CCNY: variants seen among roughly 807,000 people sequenced by gnomAD.
CCNY encodes cyclin-Y.
In CCNY, 19 loss-of-function variants were observed where a neutral mutation model predicts 42.8. The ratio of observed to expected loss-of-function variants is 0.44; its 90% CI spans 0.31 to 0.65. The LOEUF (loss-of-function observed/expected upper bound fraction) is 0.65, where lower values mean the gene tolerates loss of function less well. CCNY is among the 30% of genes least tolerant of loss of function. The pLI, the probability that CCNY is intolerant of heterozygous loss-of-function variation, is 0.07. For missense variants in CCNY, 370 were observed against 437.3 expected (o/e 0.85, Z 1.37); for synonymous variants, 165 against 162.7 (o/e 1.01, Z -0.11).
At chr10:35,482,008 C>G (rs1839680189) in intron 1 of CCNY, among the ~76,000 whole-genome samples, 1 of 152,194 alleles carries the variant, frequency 6.6e-6, no homozygotes, top group Admixed American at 6.5e-5. Flanking sequence ...CAAGAAGGAT[C>G]AGATAATTGA....
chr10:35,355,678 CA>C (rs60257114), intron 1 of CCNY, among the ~76,000 whole-genome samples: 2,463 of 57,114 alleles, frequency 0.043, 6 homozygotes, highest in African/African-American at 0.098. Context: ...ATACTGTCTC[CA>C]AAAAAAAAAA....
intron 1 of CCNY, among the ~76,000 whole-genome samples, chr10:35,344,417 C>T (rs113652472): frequency 5.3e-5 from 8 of 151,660 alleles, no homozygotes; most frequent in Admixed American, 1.3e-4. Context: ...TTGGGCTGGG[C>T]GCCGTGGCTC....
At chr10:35,427,590 T>C (rs1348576726) in intron 1 of CCNY, among the ~76,000 whole-genome samples, 1 of 152,234 alleles carries the variant, frequency 6.6e-6, no homozygotes, top group Non-Finnish European at 1.5e-5. Flanking sequence ...AATATGTGTG[T>C]ATTTCAATGT....
chr10:35,417,475 A>G (rs180767980), intron 1 of CCNY, among the ~76,000 whole-genome samples: 2 of 152,354 alleles, frequency 1.3e-5, no homozygotes, highest in Admixed American at 6.5e-5. Context: ...ATATGAAATG[A>G]TGTATGAGGG....
intron 7 of CCNY, among the ~76,000 whole-genome samples, chr10:35,544,294 A>G (rs1040708794): frequency 1.3e-5 from 2 of 152,140 alleles, no homozygotes; most frequent in African/African-American, 2.4e-5. Flanking sequence ...CTTCAATACC[A>G]TATTTTTATG....
intron 1 of CCNY, among the ~76,000 whole-genome samples, chr10:35,360,352 C>T (rs562402841): frequency 7.1e-6 from 1 of 140,280 alleles, no homozygotes; most frequent in Admixed American, 7.7e-5. Flanking sequence ...AGTGGTGTGA[C>T]TATGGCTCAC....
At chr10:35,322,267 T>C (rs1006188623) in intron 3 of CCNY, among the ~76,000 whole-genome samples, 2 of 151,826 alleles carry the variant, frequency 1.3e-5, no homozygotes, top group African/African-American at 4.8e-5. Context: ...TGAGGCAGAA[T>C]TGCTGGAACC....
chr10:35,268,412 A>G (rs2095727801), intron 3 of CCNY, among the ~76,000 whole-genome samples: 1 of 152,150 alleles, frequency 6.6e-6, no homozygotes, highest in African/African-American at 2.4e-5. Context: ...CGTGTCCCAC[A>G]TGGCTGTGGT....
At chr10:35,314,270 C>T (rs900622444) in intron 3 of CCNY, among the ~76,000 whole-genome samples, 5 of 152,172 alleles carry the variant, frequency 3.3e-5, no homozygotes, top group African/African-American at 1.2e-4. Flanking sequence ...ACTCACAGTT[C>T]CATGTGGCTG....
chr10:35,443,730 A>C (rs1838725029), intron 1 of CCNY, among the ~76,000 whole-genome samples: 1 of 152,230 alleles, frequency 6.6e-6, no homozygotes, highest in African/African-American at 2.4e-5. Context: ...CTTTTAGGCT[A>C]GATATTTCCC....
At chr10:35,472,119 T>C (rs2135346953) in intron 1 of CCNY, among the ~76,000 whole-genome samples, 1 of 152,340 alleles carries the variant, frequency 6.6e-6, no homozygotes, top group Admixed American at 6.5e-5. Context: ...ATACCCATTA[T>C]TTCTGGGGAC....
intron 1 of CCNY, among the ~76,000 whole-genome samples, chr10:35,364,101 G>C (rs758577503): frequency 2.0e-5 from 3 of 152,124 alleles, no homozygotes; most frequent in Non-Finnish European, 2.9e-5. Flanking sequence ...CTCCAAAGTG[G>C]TGTCAAAGAG....
At chr10:35,313,163 C>T (rs1039817049) in intron 3 of CCNY, among the ~76,000 whole-genome samples, 7 of 152,048 alleles carry the variant, frequency 4.6e-5, no homozygotes, top group Admixed American at 2.0e-4. Flanking sequence ...GGCTGGCTCA[C>T]GTGGACTCGT....
chr10:35,342,311 C>T lies in CCNY; in HGVS notation c.154+5104C>T, dbSNP rs547202988. The stretch of plus-strand genomic sequence containing the variant: ...TTGGTCCCACATTAACATTACCAGC[C>T]CTGGTGGGCAGAACATACCGTGGAC... On this transcript the variant is annotated intron_variant, in intron 1 of 9. Transcript: ENST00000374704. Among the ~76,000 whole-genome samples the T allele has an allele frequency of 2.6e-5, 4 of 152,358 alleles. No homozygotes were observed. In the South Asian group the frequency reaches 8.3e-4, roughly 32 times the overall value.
intron 1 of CCNY, among the ~76,000 whole-genome samples, chr10:35,427,481 G>A (rs530527233): frequency 1.3e-5 from 2 of 152,346 alleles, no homozygotes; most frequent in East Asian, 3.9e-4. Flanking sequence ...GGGCACTTAA[G>A]TTACACATCC....
intron 3 of CCNY, among the ~76,000 whole-genome samples, chr10:35,314,396 G>C (rs533498785): frequency 3.3e-4 from 50 of 152,184 alleles, no homozygotes; most frequent in African/African-American, 1.1e-3. Flanking sequence ...ACTCTCATGA[G>C]ACTTATTCAC....
chr10:35,352,058 G>A (rs571361264), intron 1 of CCNY, among the ~76,000 whole-genome samples: 15 of 152,246 alleles, frequency 9.9e-5, no homozygotes, highest in Admixed American at 7.2e-4. Flanking sequence ...TGATATTTTC[G>A]CCTTCAGTTC....
chr10:35,377,301 A>G (rs886232003), intron 1 of CCNY, among the ~76,000 whole-genome samples: 1 of 152,202 alleles, frequency 6.6e-6, no homozygotes, highest in African/African-American at 2.4e-5. Context: ...AGCTCCATGC[A>G]TGATTGGTAC....
At chr10:35,300,957 A>T (rs1362252181) in intron 3 of CCNY, among the ~76,000 whole-genome samples, 1 of 151,998 alleles carries the variant, frequency 6.6e-6, no homozygotes, top group Non-Finnish European at 1.5e-5. Flanking sequence ...GGCGGCCACC[A>T]CCATGCCTGG....
Sources: gnomAD v4.1 joint callset for allele counts (sites outside exome capture counted in the v4.1 genomes callset) on GRCh38, gnomAD v4.1.1 for gene constraint, MANE v1.5 for transcripts, NCBI Gene and HGNC (gene_info 2026-07-23, HGNC 2026-07-21) for gene names.